ADCY3: variants seen among roughly 807,000 people sequenced by gnomAD.
The protein encoded by ADCY3 is adenylate cyclase type 3.
A neutral mutation model predicts 119.4 loss-of-function variants in ADCY3; 70 were observed. The observed-to-expected ratio is 0.59, with a 90% CI of 0.48 to 0.72. The LOEUF (loss-of-function observed/expected upper bound fraction) is 0.72. ADCY3 is among the 30% of genes least tolerant of loss of function. The probability of loss-of-function intolerance (pLI) is 0.00; values close to 1 mark genes in which losing one functional copy is unlikely to be tolerated. For synonymous variants in ADCY3, 672 were observed against 621.4 expected (o/e 1.08, Z -1.21); for missense variants, 1,238 against 1,541.6 (o/e 0.80, Z 3.30).
rs191490128 is a variant in ADCY3 at position 24,918,283 on chromosome 2, C to A, written c.675+30G>T. The A allele has an allele frequency of 2.0e-6, 3 of 1,522,638 alleles. No homozygotes were observed. The highest frequency in any genetic ancestry group is 2.8e-5 in the African/African-American group (2 of 71,946). The allele number at this position is 1,522,638 out of a possible 1,614,324, so 94.3% of individuals were successfully genotyped here. ...AGTTGGTGAGAGCTGCAGGAGAGGACGCTGTGGGGGGACAGTGGGCAGGAC... is the reference window on the plus strand; with the variant it reads ...AGTTGGTGAGAGCTGCAGGAGAGGAAGCTGTGGGGGGACAGTGGGCAGGAC... On this transcript the variant is annotated intron_variant, in intron 2 of 21. Transcript: ENST00000679454. The surrounding 1 kb of genome is among the most constrained non-coding windows in gnomAD (Gnocchi z 5.4).
Position 24,841,268 on chromosome 2 carries a change from T to A in ADCY3, c.1187A>T (p.Glu396Val). 1 of 1,561,392 alleles carries A rather than the reference T, an allele frequency of 6.4e-7. No individual in the cohort carries two copies. The highest frequency in any genetic ancestry group is 8.7e-7 in the Non-Finnish European group (1 of 1,153,196). Residue 396 changes from glutamate (E) to valine (V), a missense_variant, in exon 6 of 22, where the codon GAG becomes GTG. By Grantham distance (121) the Glu-to-Val change is moderately radical. This residue lies in a region of ADCY3 where 283 missense variants were observed against 437.2 expected (regional missense o/e 0.65). Coordinates refer to ENST00000679454, the MANE Select transcript of ADCY3 (RefSeq NM_004036.5). The surrounding 1 kb of genome is among the most constrained non-coding windows in gnomAD (Gnocchi z 5.8). ...CSILMGLAMV[E>V]AISYVREKTK... ...GAGGCATCCCACTTACGAGATGGCC[T>A]CCACCATGGCCAGCCCCATGAGGAT... is the stretch of plus-strand genomic sequence containing the variant.
chr2:24,865,650 T>C lies in ADCY3; in HGVS notation c.825+6920A>G, dbSNP rs371854737. 4.6e-5 allele frequency among the ~76,000 whole-genome samples: 7 copies of C among 152,154 alleles called. No homozygotes were observed. In the South Asian group the frequency reaches 8.3e-4, roughly 18 times the overall value. On this transcript the variant is annotated intron_variant, in intron 3 of 21. Coordinates refer to ENST00000679454, the MANE Select transcript of ADCY3 (RefSeq NM_004036.5). ...AGGTGGGATGACTTACTTTTCCTAGTATACCCTTTTTCATACTTTTACGAT... is the reference window on the plus strand; with the variant it reads ...AGGTGGGATGACTTACTTTTCCTAGCATACCCTTTTTCATACTTTTACGAT...
rs139441898 is a variant in ADCY3 at position 24,872,250 on chromosome 2, T to C, written c.825+320A>G. On this transcript the variant is annotated intron_variant, in intron 3 of 21. Coordinates refer to ENST00000679454, the MANE Select transcript of ADCY3 (RefSeq NM_004036.5). This position sits in a 1 kb window ranked among gnomAD's most constrained non-coding sequence, Gnocchi z 4.4. ...TCTGAGAAAGGAATGCAGGAAGTCA[T>C]AGCTGGCTGCTTGGGCAATGCATTT... 1.4e-4 allele frequency among the ~76,000 whole-genome samples: 22 copies of C among 152,330 alleles called. No individual in the cohort carries two copies. Among genetic ancestry groups the C allele is most frequent in the Middle Eastern group, 3.4e-3 (1 of 294 alleles).
intron 3 of ADCY3, among the ~76,000 whole-genome samples, chr2:24,864,116 G>C (rs182264088): frequency 2.0e-5 from 3 of 152,100 alleles, no homozygotes; most frequent in African/African-American, 7.2e-5. Context: ...GTGAAACCCC[G>C]TCTCTACTAA....
At position 24,898,498 on chromosome 2, in the gene ADCY3, T is replaced by C. The variant is rs1292976956; in HGVS notation, c.675+19815A>G. The stretch of plus-strand genomic sequence containing the variant: ...TGAGTCAGGCGCCATCTCTCCTTTT[T>C]CCAAAAGGAAAAATGAGCCACACCA... On this transcript the variant is annotated intron_variant, in intron 2 of 21. Coordinates refer to ENST00000679454, the MANE Select transcript of ADCY3 (RefSeq NM_004036.5). The surrounding 1 kb of genome is among the most constrained non-coding windows in gnomAD (Gnocchi z 4.3). Among the ~76,000 whole-genome samples the C allele has an allele frequency of 6.6e-6, 1 of 152,008 alleles. No individual in the cohort carries two copies. Among genetic ancestry groups the C allele is most frequent in the Non-Finnish European group, 1.5e-5 (1 of 67,986 alleles).
intron 17 of ADCY3, among the ~76,000 whole-genome samples, 171 bp from the exon 18 acceptor site, chr2:24,823,526 G>A (rs1048253754): frequency 7.1e-6 from 1 of 140,816 alleles, no homozygotes. Context: ...GGGTCTTGCT[G>A]TGTTTCCCAG....
At chr2:24,840,436 G>C in intron 6 of ADCY3, 1 of 397,098 alleles carries the variant, frequency 2.5e-6, no homozygotes, top group Non-Finnish European at 5.2e-6. Flanking sequence ...TGACAGGGCA[G>C]GGAGAGAATG....
intron 8 of ADCY3, among the ~76,000 whole-genome samples, chr2:24,837,827 G>C (rs537531978): frequency 6.6e-6 from 1 of 152,046 alleles, no homozygotes; most frequent in Non-Finnish European, 1.5e-5. Flanking sequence ...GTAGATATTC[G>C]GGGGATCCCA....
intron 2 of ADCY3, among the ~76,000 whole-genome samples, chr2:24,905,136 ATTT>A (rs775630835): frequency 1.4e-5 from 2 of 140,036 alleles, no homozygotes; most frequent in Non-Finnish European, 1.6e-5. Flanking sequence ...GTGTTTTTGC[ATTT>A]TTTTTTTTTT....
intron 6 of ADCY3, chr2:24,840,704 G>A (rs1030907347): frequency 1.7e-5 from 6 of 362,164 alleles, no homozygotes; most frequent in Admixed American, 3.6e-5. Context: ...CTGCCCATCC[G>A]AGAGCTGCAA....
intron 3 of ADCY3, among the ~76,000 whole-genome samples, chr2:24,854,206 A>G (rs1227131910): frequency 6.6e-6 from 1 of 152,212 alleles, no homozygotes; most frequent in Admixed American, 6.5e-5. Context: ...GCTACTTTTT[A>G]TCTGATGGCC....
intron 3 of ADCY3, among the ~76,000 whole-genome samples, chr2:24,845,032 C>G (rs1008863586): frequency 6.6e-6 from 1 of 152,318 alleles, no homozygotes; most frequent in Admixed American, 6.5e-5. Context: ...TTGCTGCCAC[C>G]AGGTAAGAAG....
intron 14 of ADCY3, 115 bp from the exon 15 acceptor site, chr2:24,827,723 C>G: frequency 7.0e-7 from 1 of 1,426,828 alleles, no homozygotes; most frequent in East Asian, 2.4e-5. Flanking sequence ...AGAATCTATT[C>G]TCAGGTCCTA....
At chr2:24,897,811 CTCTCCTATACCCGCT>C (rs1419649484) in intron 2 of ADCY3, among the ~76,000 whole-genome samples, 3 of 152,176 alleles carry the variant, frequency 2.0e-5, no homozygotes, top group Non-Finnish European at 2.9e-5. Context: ...GAATCCCTCT[CTCTCCTATACCCGCT>C]TCGGTGGCTC....
At chr2:24,893,021 A>ATTTTTTTTTTTTTTTTTTTTTTTTTTTTT (rs1677867981) in intron 2 of ADCY3, among the ~76,000 whole-genome samples, 1 of 145,150 alleles carries the variant, frequency 6.9e-6, no homozygotes. Flanking sequence ...TTTACTTTTA[A>ATTTTTTTTTTTTTTTTTTTTTTTTTTTTT]TCTATGTGTC....
chr2:24,894,682 A>G (rs998178790), intron 2 of ADCY3, among the ~76,000 whole-genome samples: 4 of 151,818 alleles, frequency 2.6e-5, no homozygotes, highest in African/African-American at 9.7e-5. Flanking sequence ...ATGTTTCCAT[A>G]TAATTTACCA....
Position 24,824,272 on chromosome 2 carries a change from A to C in ADCY3, c.2736+106T>G, listed in dbSNP as rs1043792659. On this transcript the variant is annotated intron_variant, in intron 17 of 21. Transcript: ENST00000679454. Reference sequence around the variant, plus strand: ...TTAGGTTCAGCCCTACCTAGGCCCCAGTCCCCTGTCCCTGAGAAGGCCTGG... The same window carrying C: ...TTAGGTTCAGCCCTACCTAGGCCCCCGTCCCCTGTCCCTGAGAAGGCCTGG... The C allele has an allele frequency of 2.1e-6, 3 of 1,434,522 alleles. No homozygotes were observed. In the East Asian group the frequency reaches 6.9e-5, roughly 33 times the overall value. 88.9% of individuals were successfully genotyped at this position (1,434,522 alleles called of 1,614,324 possible).
chr2:24,840,063 G>T (rs770744944), intron 6 of ADCY3, 32 bp from the exon 7 acceptor site: 2 of 1,585,642 alleles, frequency 1.3e-6, no homozygotes. Flanking sequence ...GAGGGTCAGG[G>T]TGTGGCCTTC....
At chr2:24,895,551 G>T (rs116786174) in intron 2 of ADCY3, among the ~76,000 whole-genome samples, 4,316 of 151,478 alleles carry the variant, frequency 0.028, 83 homozygotes, top group South Asian at 0.051. Flanking sequence ...AACATATTAG[G>T]GTCTGTTATA....
Sources: gnomAD v4.1 joint callset for allele counts (sites outside exome capture counted in the v4.1 genomes callset) on GRCh38, gnomAD v4.1.1 for gene constraint, gnomAD v4.1.1 regional missense constraint, Gnocchi (gnomAD v3.1) non-coding constraint, MANE v1.5 for transcripts, NCBI Gene and HGNC (gene_info 2026-07-23, HGNC 2026-07-21) for gene names.